Variants in CSMD1 observed in about 807,000 individuals in gnomAD.
CSMD1 encodes CUB and Sushi multiple domains 1.
A neutral mutation model predicts 417.5 loss-of-function variants in CSMD1; 213 were observed. The observed-to-expected ratio is 0.51, with a 90% CI of 0.46 to 0.57. The LOEUF is 0.57. Ranked by LOEUF, CSMD1 falls within the 20% of genes least tolerant of loss-of-function variation. The pLI, the probability that CSMD1 is intolerant of heterozygous loss-of-function variation, is 0.00. For synonymous variants in CSMD1, 2,862 were observed against 1,736.8 expected, an observed-to-expected ratio of 1.65 and a Z score of -16.11; for missense variants, 6,923 against 4,529.7, an observed-to-expected ratio of 1.53 and a Z score of -15.17.
chr8:4,737,345 G>A (rs1374928116), intron 1 of CSMD1, among the ~76,000 whole-genome samples: 2 of 152,042 alleles, frequency 1.3e-5, no homozygotes, highest in African/African-American at 2.4e-5. Context: ...AAGGGTGGAG[G>A]GTTGGAGGAG....
intron 2 of CSMD1, among the ~76,000 whole-genome samples, chr8:4,463,990 G>T (rs538565319): frequency 6.6e-6 from 1 of 152,140 alleles, no homozygotes; most frequent in African/African-American, 2.4e-5. Context: ...TTAGCTATAA[G>T]TCTCATTTCC....
At chr8:4,529,524 C>T (rs1796684896) in intron 2 of CSMD1, among the ~76,000 whole-genome samples, 1 of 152,114 alleles carries the variant, frequency 6.6e-6, no homozygotes, top group African/African-American at 2.4e-5. Flanking sequence ...CTAAAAATGC[C>T]TCTGTCTTCA....
At chr8:4,083,131 G>T (rs569413337) in intron 3 of CSMD1, among the ~76,000 whole-genome samples, 4 of 152,034 alleles carry the variant, frequency 2.6e-5, no homozygotes, top group Admixed American at 2.6e-4. Flanking sequence ...TATATACCCA[G>T]TAACGGGATG....
chr8:4,573,446 T>C (rs1798982225), intron 2 of CSMD1, among the ~76,000 whole-genome samples: 1 of 152,112 alleles, frequency 6.6e-6, no homozygotes. Context: ...GTGTCACCAG[T>C]GGAGGCTGCA....
intron 3 of CSMD1, among the ~76,000 whole-genome samples, chr8:4,385,819 T>G (rs1803412016): frequency 6.6e-6 from 1 of 152,174 alleles, no homozygotes; most frequent in Non-Finnish European, 1.5e-5. Context: ...GCTTAAAAAT[T>G]ATTTTGTGTT....
chr8:2,965,138 C>A (rs145879119), intron 59 of CSMD1, among the ~76,000 whole-genome samples: 1 of 152,166 alleles, frequency 6.6e-6, no homozygotes, highest in Non-Finnish European at 1.5e-5. Flanking sequence ...CTGGCCCTTG[C>A]ACAGCCGCCA....
At chr8:3,271,556 G>C (rs192523360) in intron 26 of CSMD1, among the ~76,000 whole-genome samples, 91 of 151,228 alleles carry the variant, frequency 6.0e-4, no homozygotes, top group Non-Finnish European at 1.1e-3. Flanking sequence ...CAGTGTAAAA[G>C]TGTTCCTATT....
intron 5 of CSMD1, among the ~76,000 whole-genome samples, chr8:3,852,878 C>T (rs1804013281): frequency 6.6e-6 from 1 of 152,172 alleles, no homozygotes; most frequent in Non-Finnish European, 1.5e-5. Flanking sequence ...CCAGCATCCA[C>T]GCAGGTTCCT....
At chr8:4,658,390 A>C (rs566958880) in intron 1 of CSMD1, among the ~76,000 whole-genome samples, 2 of 152,280 alleles carry the variant, frequency 1.3e-5, no homozygotes, top group East Asian at 3.9e-4. Flanking sequence ...ATCCTTAGAA[A>C]GAGCACCTGC....
At chr8:4,455,641 G>A (rs1028089477) in intron 2 of CSMD1, among the ~76,000 whole-genome samples, 25 of 151,800 alleles carry the variant, frequency 1.6e-4, no homozygotes, top group Middle Eastern at 3.4e-3. Context: ...AACATAAAAC[G>A]CAATTGAGGC....
intron 1 of CSMD1, among the ~76,000 whole-genome samples, chr8:4,756,697 A>C (rs968200990): frequency 6.6e-6 from 1 of 152,174 alleles, no homozygotes; most frequent in Admixed American, 6.5e-5. Flanking sequence ...TCTAGTTTTC[A>C]CCCCATGGTT....
At chr8:4,403,386 T>A (rs549088856) in intron 3 of CSMD1, among the ~76,000 whole-genome samples, 1 of 152,154 alleles carries the variant, frequency 6.6e-6, no homozygotes, top group African/African-American at 2.4e-5. Flanking sequence ...CTAACTTCTC[T>A]CATCTAATTC....
chr8:4,135,087 A>G (rs1427188065), intron 3 of CSMD1, among the ~76,000 whole-genome samples: 2 of 152,126 alleles, frequency 1.3e-5, no homozygotes, highest in African/African-American at 4.8e-5. Flanking sequence ...ATGAAAAAAA[A>G]TTCTTCCATA....
chr8:3,574,620 T>G (rs1254234756), intron 10 of CSMD1, among the ~76,000 whole-genome samples: 1 of 152,148 alleles, frequency 6.6e-6, no homozygotes, highest in Non-Finnish European at 1.5e-5. Context: ...ATAAATACTG[T>G]GGTATTTAAG....
At position 4,510,390 on chromosome 8, in the gene CSMD1, T is replaced by TAAAAA. The variant is rs34791623; in HGVS notation, c.303-90330_303-90326dup. Among the ~76,000 whole-genome samples, 62 of 54,634 alleles carry TAAAAA rather than the reference T, an allele frequency of 1.1e-3. 5 individuals carry two copies. Among genetic ancestry groups the TAAAAA allele is most frequent in the African/African-American group, 2.9e-3 (37 of 12,962 alleles). The allele number at this position is 54,634 out of a possible 152,430, so 35.8% of individuals were successfully genotyped here. On this transcript the variant is annotated intron_variant, in intron 2 of 69. Transcript: ENST00000635120. ...GTAGACAATTAAAAAGCATAATGCC[T>TAAAAA]AAAAAAAAAAAAAAAAAAAAAAAAA...
At chr8:3,338,065 C>T (rs957344393) in intron 23 of CSMD1, among the ~76,000 whole-genome samples, 4 of 152,170 alleles carry the variant, frequency 2.6e-5, no homozygotes, top group Non-Finnish European at 5.9e-5. Context: ...GCCAAGCAGG[C>T]GTTGTGGGAT....
intron 7 of CSMD1, among the ~76,000 whole-genome samples, chr8:3,623,429 AACG>A (rs1209066714): frequency 1.3e-5 from 2 of 152,222 alleles, no homozygotes; most frequent in Non-Finnish European, 1.5e-5. Context: ...AAGTATAAGC[AACG>A]ACATCTATGA....
At chr8:3,438,071 C>T (rs542455814) in intron 12 of CSMD1, among the ~76,000 whole-genome samples, 25 of 152,156 alleles carry the variant, frequency 1.6e-4, no homozygotes, top group African/African-American at 6.0e-4. Context: ...TAGAATTTAC[C>T]CAGTAGAAAA....
intron 2 of CSMD1, among the ~76,000 whole-genome samples, chr8:4,493,405 G>A (rs1280863741): frequency 6.6e-5 from 10 of 152,118 alleles, no homozygotes; most frequent in Admixed American, 6.5e-4. Context: ...ACATTCTAAA[G>A]CTACTGATGG....
Sources: allele counts gnomAD v4.1 joint callset (sites outside exome capture counted in the v4.1 genomes callset), GRCh38; gene constraint gnomAD v4.1.1; transcripts MANE v1.5; gene names NCBI Gene and HGNC (gene_info 2026-07-23, HGNC 2026-07-21).